The following MASP1 variants were observed in gnomAD, a reference collection of about 807,000 sequenced individuals.
MASP1 encodes the protein MBL associated serine protease 1, also known as mannan-binding lectin serine protease 1.
Under a neutral mutation model 77.1 loss-of-function variants are expected in MASP1, and 59 were observed. The observed-to-expected ratio is 0.77, with a 90% CI of 0.62 to 0.95. MASP1 has a LOEUF of 0.95. MASP1 is among the 40% of genes least tolerant of loss of function. The pLI is 0.00. For missense variants in MASP1, 885 were observed against 912.9 expected, an observed-to-expected ratio of 0.97 and a Z score of 0.39; for synonymous variants, 362 against 354.5, an observed-to-expected ratio of 1.02 and a Z score of -0.24.
chr3:187,226,549 C>T (rs372232260), intron 11 of MASP1: 3 of 1,489,704 alleles, frequency 2.0e-6, no homozygotes, highest in Non-Finnish European at 2.8e-6. Context: ...GTCTCATCGT[C>T]CTGCACTACT....
Position 187,236,410 on chromosome 3 carries a change from G to A in MASP1, c.1461C>T (p.Leu487=), listed in dbSNP as rs769205511. 2 of 1,614,240 alleles carry A rather than the reference G, an allele frequency of 1.2e-6. No individual in the cohort carries two copies. Among genetic ancestry groups the A allele is most frequent in the Admixed American group, 1.7e-5 (1 of 60,030 alleles). The change falls in exon 11 of 11, where the codon CTC becomes CTT. Residue 487 remains leucine (L), a synonymous_variant. Transcript: ENST00000296280. ...CTGCTGTGAGGATCCAGGACGCAGA[G>A]AGCAGGGCCCCACTCCCAAACCACT... The part of the protein sequence containing the change: ...NDKWFGSGAL[L]SASWILTAAH...
intron 2 of MASP1, among the ~76,000 whole-genome samples, chr3:187,281,631 G>C (rs1476575387): frequency 6.6e-6 from 1 of 152,206 alleles, no homozygotes; most frequent in South Asian, 2.1e-4. Flanking sequence ...ATGCAACATT[G>C]AGAAGCAGCT....
intron 2 of MASP1, chr3:187,263,299 A>G (rs1453595470): frequency 1.9e-5 from 3 of 156,148 alleles, no homozygotes; most frequent in Non-Finnish European, 4.3e-5. Context: ...CAGGCAAACA[A>G]TCCACATTAG....
exon 16 of MASP1, chr3:187,220,156 C>A: frequency 1.2e-6 from 2 of 1,614,188 alleles, no homozygotes; most frequent in Non-Finnish European, 1.7e-6. Flanking sequence ...CTTCTTCCCA[C>A]AGTCATCACC....
intron 9 of MASP1, chr3:187,243,050 G>A (rs1713787980): frequency 3.4e-6 from 1 of 290,668 alleles, no homozygotes. Context: ...CAGAAGCCAA[G>A]GCAGAGTCTG....
rs746328943 is a variant in MASP1, at chr3:187,235,711, A to G, written c.2160T>C (p.Ser720=). 1.7e-5 allele frequency: 27 copies of G among 1,613,972 alleles called. No homozygotes were observed. The highest frequency in any genetic ancestry group is 1.8e-5 in the Non-Finnish European group (21 of 1,180,004). The part of the protein sequence containing the change: ...WVWEQMGLPQ[S]VVEPQVER Reference sequence around the variant, plus strand: ...ACCGTTCCACCTGGGGCTCCACAACACTTTGTGGTAAGCCCATCTGCTCCC... The same window carrying G: ...ACCGTTCCACCTGGGGCTCCACAACGCTTTGTGGTAAGCCCATCTGCTCCC... The change falls in exon 11 of 11, where the codon AGT becomes AGC. Residue 720 remains serine, a synonymous_variant. Coordinates refer to ENST00000296280, the MANE Select transcript of MASP1 (RefSeq NM_139125.4).
chr3:187,229,684 C>T (rs761559872), downstream of MASP1: 3 of 1,571,938 alleles, frequency 1.9e-6, no homozygotes, highest in Non-Finnish European at 2.6e-6. Flanking sequence ...CAATGATTCT[C>T]AATGAAGAAA....
intron 2 of MASP1, among the ~76,000 whole-genome samples, chr3:187,264,636 G>A (rs942947730): frequency 1.3e-5 from 2 of 152,050 alleles, no homozygotes; most frequent in African/African-American, 4.8e-5. Context: ...CGCTTGACCT[G>A]GCGTTAAACA....
intron 13 of MASP1, among the ~76,000 whole-genome samples, chr3:187,224,137 T>G (rs1712235433): frequency 6.6e-6 from 1 of 152,154 alleles, no homozygotes; most frequent in Non-Finnish European, 1.5e-5. Flanking sequence ...GTGGCACCAC[T>G]GAAATTAGAA....
chr3:187,262,697 C>CA lies in MASP1; in HGVS notation c.260dup (p.Ala88GlyfsTer38), dbSNP rs1715700111. The CA allele has an allele frequency of 6.2e-7, 1 of 1,614,102 alleles. No individual in the cohort carries two copies. The highest frequency in any genetic ancestry group is 2.2e-5 in the East Asian group (1 of 44,874). ...TGGTCTCCCTGCCACAGAAGGTTGC[C>CA]AGCACCTGGTCCTCAGTTTCTACCT... On this transcript the variant is annotated frameshift_variant, in exon 3 of 11. Coordinates refer to ENST00000296280, the MANE Select transcript of MASP1 (RefSeq NM_139125.4). LOFTEE classifies it high-confidence loss of function.
intron 14 of MASP1, among the ~76,000 whole-genome samples, chr3:187,222,856 T>C (rs896203971): frequency 6.6e-6 from 1 of 152,190 alleles, no homozygotes; most frequent in Admixed American, 6.5e-5. Context: ...CTTGCTGTTT[T>C]CTGGGAGAAT....
In MASP1 at chr3:187,234,220, A is replaced by T. The variant is rs749062876; in HGVS notation, c.*1464T>A. ...TCATTTACATGTGCCATTCATAGACAAAGGAGTGTGTTTGATGAGCCGGTT... is the reference window on the plus strand; with the variant it reads ...TCATTTACATGTGCCATTCATAGACTAAGGAGTGTGTTTGATGAGCCGGTT... On this transcript the variant is annotated 3_prime_UTR_variant, in exon 11 of 11. Transcript: ENST00000296280. 1 of 1,287,234 alleles carries T rather than the reference A, an allele frequency of 7.8e-7. No homozygotes were observed. 79.7% of individuals were successfully genotyped at this position (1,287,234 alleles called of 1,614,324 possible). A position where few individuals can be genotyped will look rare whatever the true frequency, so the allele number is the denominator to read the frequency against.
At chr3:187,278,500 T>C (rs1229672778) in intron 2 of MASP1, among the ~76,000 whole-genome samples, 2 of 152,216 alleles carry the variant, frequency 1.3e-5, no homozygotes. Context: ...ACTGTCTCTG[T>C]GCTCTTTCTA....
At chr3:187,233,036 A>G (rs1202966531), downstream of MASP1, among the ~76,000 whole-genome samples, 2 of 152,114 alleles carry the variant, frequency 1.3e-5, no homozygotes, top group African/African-American at 2.4e-5. Context: ...ACTTAAATCG[A>G]TTTAAACTGC....
chr3:187,254,938 GC>G (rs1714947140), intron 5 of MASP1, among the ~76,000 whole-genome samples: 1 of 152,072 alleles, frequency 6.6e-6, no homozygotes, highest in Admixed American at 6.5e-5. Flanking sequence ...AACAAATGAA[GC>G]CCCAAGAGGT....
chr3:187,279,108 G>A (rs1000243018), intron 2 of MASP1, among the ~76,000 whole-genome samples: 5 of 152,284 alleles, frequency 3.3e-5, no homozygotes, highest in African/African-American at 9.6e-5. Flanking sequence ...TACACTTTGC[G>A]TGTTAAATAC....
At chr3:187,273,505 G>C (rs1295388349) in intron 2 of MASP1, among the ~76,000 whole-genome samples, 1 of 152,196 alleles carries the variant, frequency 6.6e-6, no homozygotes, top group Non-Finnish European at 1.5e-5. Flanking sequence ...GATTTTCCTA[G>C]ATGCGTGAGC....
chr3:187,277,358 T>C (rs1335341126), intron 2 of MASP1, among the ~76,000 whole-genome samples: 1 of 152,084 alleles, frequency 6.6e-6, no homozygotes, highest in Non-Finnish European at 1.5e-5. Flanking sequence ...TCAGAAAGGA[T>C]GTACTACAAG....
intron 4 of MASP1, 66 bp from the exon 5 acceptor site, chr3:187,256,926 G>C (rs1409958847): frequency 6.4e-6 from 9 of 1,407,306 alleles, no homozygotes; most frequent in Non-Finnish European, 8.0e-6. Context: ...TGGCTTATCT[G>C]TTACTATATG....
Sources: gnomAD v4.1 joint callset for allele counts (sites outside exome capture counted in the v4.1 genomes callset) on GRCh38, gnomAD v4.1.1 for gene constraint, MANE v1.5 for transcripts, NCBI Gene and HGNC (gene_info 2026-07-23, HGNC 2026-07-21) for gene names.